Variants in ESR1 observed in about 807,000 individuals in gnomAD.
ESR1 encodes estrogen receptor.
In ESR1, 12 loss-of-function variants were observed where a neutral mutation model predicts 52.7. The observed-to-expected ratio is 0.23, with a 90% CI of 0.15 to 0.37. The LOEUF is 0.37. Among genes scored for constraint, ESR1 ranks in the 10% least tolerant of loss-of-function variants. The probability of loss-of-function intolerance (pLI) is 1.00; values close to 1 mark genes in which losing one functional copy is unlikely to be tolerated. For missense variants in ESR1, 584 were observed against 779.7 expected, an observed-to-expected ratio of 0.75 and a Z score of 2.99; for synonymous variants, 305 against 316.8, an observed-to-expected ratio of 0.96 and a Z score of 0.39.
At chr6:151,888,410 T>G (rs2128356713) in intron 3 of ESR1, among the ~76,000 whole-genome samples, 1 of 152,330 alleles carries the variant, frequency 6.6e-6, no homozygotes, top group Admixed American at 6.5e-5. Context: ...CCAAATATTT[T>G]GTTTTATTTT....
At chr6:152,027,753 T>C (rs1453745804) in intron 5 of ESR1, among the ~76,000 whole-genome samples, 3 of 152,242 alleles carry the variant, frequency 2.0e-5, no homozygotes, top group Non-Finnish European at 4.4e-5. Context: ...TGTCTCTGCA[T>C]TGAACATTTT....
intron 3 of ESR1, among the ~76,000 whole-genome samples, chr6:151,887,980 C>G (rs1193352794): frequency 6.6e-6 from 1 of 152,108 alleles, no homozygotes; most frequent in African/African-American, 2.4e-5. Context: ...GCAGCTTTGT[C>G]AAAAATTAAT....
intron 6 of ESR1, among the ~76,000 whole-genome samples, chr6:152,088,491 G>A (rs1022377245): frequency 1.9e-4 from 29 of 152,212 alleles, no homozygotes; most frequent in African/African-American, 6.8e-4. Context: ...TGAGAAGTGG[G>A]ACCTTTAAGA....
chr6:151,891,314 A>AG lies in ESR1; in HGVS notation c.760+10546dup, dbSNP rs547161903. Among the ~76,000 whole-genome samples, 82 of 152,308 alleles carry AG rather than the reference A, an allele frequency of 5.4e-4. 2 individuals carry two copies. Among genetic ancestry groups the AG allele is most frequent in the Admixed American group, 5.1e-3 (78 of 15,292 alleles). ...TCAAGGCCAGGCAAAAATTTCAGAA[A>AG]GGGTTTATCTTGTTTGTACAATTTT... On this transcript the variant is annotated intron_variant, in intron 3 of 7. Transcript: ENST00000206249.
intron 5 of ESR1, among the ~76,000 whole-genome samples, chr6:152,021,152 C>A (rs182902332): frequency 6.6e-6 from 1 of 152,208 alleles, no homozygotes; most frequent in East Asian, 1.9e-4. Context: ...GGAAGGCACA[C>A]CCACCCTTAA....
chr6:151,964,268 AT>A (rs919432098), intron 4 of ESR1, among the ~76,000 whole-genome samples: 2 of 151,684 alleles, frequency 1.3e-5, no homozygotes, highest in African/African-American at 2.4e-5. Context: ...GATAGCATAG[AT>A]TTTTTTTAAC....
At chr6:151,757,071 A>G (rs1484139496) in intron 2 of ESR1, among the ~76,000 whole-genome samples, 2 of 152,092 alleles carry the variant, frequency 1.3e-5, no homozygotes, top group Non-Finnish European at 2.9e-5. Context: ...GAGGAGAGAA[A>G]AATGTGTATG....
chr6:152,006,835 C>T (rs889804256), intron 4 of ESR1, among the ~76,000 whole-genome samples: 3 of 151,902 alleles, frequency 2.0e-5, no homozygotes, highest in Non-Finnish European at 4.4e-5. Context: ...GTCAGGAAAC[C>T]AATATTTTTT....
chr6:151,937,456 T>C (rs2034499198), intron 3 of ESR1, among the ~76,000 whole-genome samples: 1 of 152,062 alleles, frequency 6.6e-6, no homozygotes, highest in South Asian at 2.1e-4. Context: ...AGACTGAAGA[T>C]AGGCAAGGTG....
intron 5 of ESR1, among the ~76,000 whole-genome samples, chr6:152,016,074 G>A (rs2043147682): frequency 6.6e-6 from 1 of 152,134 alleles, no homozygotes; most frequent in South Asian, 2.1e-4. Flanking sequence ...TAGTGTGGTA[G>A]TGAATAAGTT....
intron 4 of ESR1, among the ~76,000 whole-genome samples, chr6:151,972,705 A>C (rs551079443): frequency 6.2e-4 from 95 of 152,298 alleles, no homozygotes; most frequent in African/African-American, 1.9e-3. Flanking sequence ...CTAATAGGAT[A>C]GATGTATATA....
downstream of ESR1, among the ~76,000 whole-genome samples, chr6:152,103,532 T>C (rs576568047): frequency 5.9e-5 from 9 of 152,360 alleles, no homozygotes; most frequent in Non-Finnish European, 1.0e-4. Flanking sequence ...TTTCAGAGTT[T>C]CGGCTTCCTT....
chr6:152,096,764 T>C, intron 7 of ESR1: 1 of 452,904 alleles, frequency 2.2e-6, no homozygotes, highest in Non-Finnish European at 4.4e-6. Flanking sequence ...TCTTTTTCTT[T>C]TGATGAGTAT....
chr6:152,044,398 C>A (rs1236149879), intron 5 of ESR1, among the ~76,000 whole-genome samples: 1 of 152,170 alleles, frequency 6.6e-6, no homozygotes, highest in South Asian at 2.1e-4. Context: ...CTGTATTAGT[C>A]AGGATTCGCT....
chr6:152,094,381 T>G lies in ESR1; in HGVS notation c.1370-4T>G, dbSNP rs769053993. On this transcript the variant is annotated splice_region_variant and splice_polypyrimidine_tract_variant and intron_variant, in intron 6 of 7. Transcript: ENST00000206249. The surrounding 1 kb of genome is among the most constrained non-coding windows in gnomAD (Gnocchi z 4.6). Reference sequence around the variant, plus strand: ...TCTCTCTCACTCTCTCTCTGCGCATTCAGGAGTGTACACATTTCTGTCCAG... The same window carrying G: ...TCTCTCTCACTCTCTCTCTGCGCATGCAGGAGTGTACACATTTCTGTCCAG... 6.2e-7 allele frequency: 1 copy of G among 1,613,690 alleles called. No individual in the cohort carries two copies. Among genetic ancestry groups the G allele is most frequent in the East Asian group, 2.2e-5 (1 of 44,876 alleles).
At chr6:151,679,984 G>A (rs1778394393) in intron 1 of ESR1, among the ~76,000 whole-genome samples, 1 of 151,916 alleles carries the variant, frequency 6.6e-6, no homozygotes, top group African/African-American at 2.4e-5. Flanking sequence ...CTTAATCATC[G>A]CCTTAGCACT....
chr6:152,078,180 A>T lies in ESR1; in HGVS notation c.1370-16205A>T, dbSNP rs547053803. Among the ~76,000 whole-genome samples, 22 of 152,306 alleles carry T rather than the reference A, an allele frequency of 1.4e-4. No homozygotes were observed. The South Asian group carries it at 4.3e-3, about 30-fold the overall frequency. ...GTTCTTGTGGTAGTGAGTAAGTCTC[A>T]CGAGATCTCATGGTTTTATCAGGGT... On this transcript the variant is annotated intron_variant, in intron 6 of 7. Coordinates refer to ENST00000206249, the MANE Select transcript of ESR1 (RefSeq NM_000125.4).
chr6:151,710,160 G>A (rs1019804177), intron 2 of ESR1, among the ~76,000 whole-genome samples: 5 of 151,480 alleles, frequency 3.3e-5, no homozygotes, highest in African/African-American at 7.3e-5. Context: ...TTGTTGCCAG[G>A]CCTGAGACGT....
rs555168033 is a variant in ESR1 at position 151,751,025 on chromosome 6, C to T, written c.-71+49020C>T. 4.6e-5 allele frequency among the ~76,000 whole-genome samples: 7 copies of T among 152,272 alleles called. No homozygotes were observed. The South Asian group carries it at 1.2e-3, about 27-fold the overall frequency. The stretch of plus-strand genomic sequence containing the variant: ...ATAGCGTAAGAGTCTGAGTACTAGT[C>T]TTCAGATACTTAAAACAGCATTTGA... On this transcript the variant is annotated intron_variant, in intron 2 of 2. Coordinates refer to the ESR1 transcript ENST00000404742.
Sources: allele counts gnomAD v4.1 joint callset (sites outside exome capture counted in the v4.1 genomes callset), GRCh38; gene constraint gnomAD v4.1.1; non-coding constraint Gnocchi (gnomAD v3.1); transcripts MANE v1.5; gene names NCBI Gene and HGNC (gene_info 2026-07-23, HGNC 2026-07-21).